The following TNFRSF21 variants were observed in gnomAD, a reference collection of about 807,000 sequenced individuals.
TNFRSF21 encodes the protein TNF receptor superfamily member 21, also known as tumor necrosis factor receptor superfamily member 21.
Under a neutral mutation model 45.6 loss-of-function variants are expected in TNFRSF21, and 19 were observed. The ratio of observed to expected loss-of-function variants is 0.42; its 90% CI spans 0.29 to 0.61. TNFRSF21 has a LOEUF of 0.61. Among genes scored for constraint, TNFRSF21 ranks in the 20% least tolerant of loss-of-function variants. The probability of loss-of-function intolerance (pLI) is 0.23; values close to 1 mark genes in which losing one functional copy is unlikely to be tolerated. For missense variants in TNFRSF21, 737 were observed against 851.5 expected (o/e 0.87, Z 1.67); for synonymous variants, 314 against 335.5 (o/e 0.94, Z 0.70).
intron 4 of TNFRSF21, among the ~76,000 whole-genome samples, chr6:47,241,898 G>A (rs1764750880): frequency 1.3e-5 from 2 of 152,094 alleles, no homozygotes; most frequent in African/African-American, 4.8e-5. Flanking sequence ...ATGAAGCAAG[G>A]AGGTGCTTCC....
intron 1 of TNFRSF21, among the ~76,000 whole-genome samples, chr6:47,301,055 C>T (rs1479632561): frequency 6.6e-6 from 1 of 152,192 alleles, no homozygotes; most frequent in Non-Finnish European, 1.5e-5. Context: ...GAGAATTCTA[C>T]ACCCACTAGG....
chr6:47,259,011 G>A (rs1463320656), intron 3 of TNFRSF21, among the ~76,000 whole-genome samples: 2 of 152,202 alleles, frequency 1.3e-5, no homozygotes, highest in East Asian at 3.9e-4. Flanking sequence ...TGCAATTACA[G>A]CAATTTAAAG....
At chr6:47,295,046 G>C (rs1313957518) in intron 1 of TNFRSF21, among the ~76,000 whole-genome samples, 2 of 152,134 alleles carry the variant, frequency 1.3e-5, no homozygotes, top group Admixed American at 1.3e-4. Flanking sequence ...CACTATAAAT[G>C]CCTACTGAAT....
chr6:47,257,181 C>T (rs903299725), intron 3 of TNFRSF21, among the ~76,000 whole-genome samples: 9 of 151,818 alleles, frequency 5.9e-5, no homozygotes, highest in Non-Finnish European at 2.9e-5. Context: ...CTTCCAAAAC[C>T]CAGTACTGTA....
intron 1 of TNFRSF21, among the ~76,000 whole-genome samples, chr6:47,287,659 C>G (rs1204019529): frequency 6.6e-6 from 1 of 152,060 alleles, no homozygotes. Flanking sequence ...ATGTATGCTA[C>G]TCTTATAACT....
At chr6:47,262,764 C>G (rs1171653314) in intron 3 of TNFRSF21, among the ~76,000 whole-genome samples, 2 of 152,110 alleles carry the variant, frequency 1.3e-5, no homozygotes, top group Non-Finnish European at 2.9e-5. Context: ...AGCAGGAAGG[C>G]TGGCATGGCT....
chr6:47,284,114 A>G lies in TNFRSF21; in HGVS notation c.1067T>C (p.Leu356Pro). Reference sequence around the variant, plus strand: ...CACCACAAGCACCAGCAGCAGGAAAAGCACAATCATCCAGGGCAAATGCTC... The same window carrying G: ...CACCACAAGCACCAGCAGCAGGAAAGGCACAATCATCCAGGGCAAATGCTC... ...INEHLPWMIV[L>P]FLLLVLVVIV... The change falls in exon 3 of 6, where the codon CTT becomes CCT. Residue 356 changes from leucine (L) to proline (P), a missense_variant. By Grantham distance (98) the Leu-to-Pro change is moderately conservative (BLOSUM62 -3). Coordinates refer to ENST00000296861, the MANE Select transcript of TNFRSF21 (RefSeq NM_014452.5). 1 of 1,614,204 alleles carries G rather than the reference A, an allele frequency of 6.2e-7. No individual in the cohort carries two copies. The highest frequency in any genetic ancestry group is 8.5e-7 in the Non-Finnish European group (1 of 1,180,042).
In TNFRSF21 at chr6:47,286,495, G is replaced by T. The variant is rs764454730; in HGVS notation, c.197C>A (p.Thr66Asn). The T allele has an allele frequency of 2.5e-6, 4 of 1,614,222 alleles. No homozygotes were observed. The highest frequency in any genetic ancestry group is 3.4e-6 in the Non-Finnish European group (4 of 1,180,042). ...GGTTCCTGCTGGACACTTGTCACAG[G>T]TTAGCACCTGGCCGGTGGCACGGTC... The part of the protein sequence containing the change: ...HVDRATGQVL[T>N]CDKCPAGTYV... The change falls in exon 2 of 6, where the codon ACC (threonine) becomes AAC (asparagine). Residue 66 changes from threonine to asparagine, a missense_variant. Physicochemically the swap from Thr to Asn is moderately conservative, Grantham distance 65 (BLOSUM62 0). Coordinates refer to ENST00000296861, the MANE Select transcript of TNFRSF21 (RefSeq NM_014452.5).
chr6:47,264,001 A>G (rs1412468148), intron 3 of TNFRSF21, among the ~76,000 whole-genome samples: 1 of 152,214 alleles, frequency 6.6e-6, no homozygotes, highest in East Asian at 1.9e-4. Flanking sequence ...CATGTTAGCC[A>G]CCAGTTACTC....
intron 1 of TNFRSF21, among the ~76,000 whole-genome samples, chr6:47,291,402 C>A (rs1432382676): frequency 6.6e-6 from 1 of 151,698 alleles, no homozygotes; most frequent in African/African-American, 2.4e-5. Context: ...GGAGAGTAGA[C>A]AAGAAAACCC....
Position 47,309,508 on chromosome 6 carries a change from C to G in TNFRSF21, c.4G>C (p.Gly2Arg). MGTSPSSSTALA... is the reference protein window; with the variant it reads MRTSPSSSTALA... ...GCGGTGCTGCTGCTCGGAGAGGTCCCCATGGCTGAACCGGGGACTCGCAGG... is the reference window on the plus strand; with the variant it reads ...GCGGTGCTGCTGCTCGGAGAGGTCCGCATGGCTGAACCGGGGACTCGCAGG... The change falls in exon 1 of 6, where the codon GGG becomes CGG. Residue 2 changes from glycine to arginine, a missense_variant. Coordinates refer to ENST00000296861, the MANE Select transcript of TNFRSF21 (RefSeq NM_014452.5). 1 of 1,479,664 alleles carries G rather than the reference C, an allele frequency of 6.8e-7. No individual in the cohort carries two copies. The allele number at this position is 1,479,664 out of a possible 1,614,324, so 91.7% of individuals were successfully genotyped here. A position where few individuals can be genotyped will look rare whatever the true frequency, so the allele number is the denominator to read the frequency against.
At chr6:47,259,499 C>T (rs1476920053) in intron 3 of TNFRSF21, among the ~76,000 whole-genome samples, 2 of 152,080 alleles carry the variant, frequency 1.3e-5, no homozygotes, top group African/African-American at 4.8e-5. Flanking sequence ...CTCAGGCTCC[C>T]GAGTAGCTAG....
intron 1 of TNFRSF21, among the ~76,000 whole-genome samples, chr6:47,309,062 G>C (rs539573851): frequency 6.6e-6 from 1 of 152,202 alleles, no homozygotes; most frequent in Admixed American, 6.5e-5. Flanking sequence ...GCCGATGGGT[G>C]GGGGGCTGTG....
chr6:47,289,910 CT>C (rs1006475503), intron 1 of TNFRSF21, among the ~76,000 whole-genome samples: 3 of 152,122 alleles, frequency 2.0e-5, no homozygotes, highest in Non-Finnish European at 4.4e-5. Flanking sequence ...GGGAGAATTG[CT>C]TGAGCCTGGG....
At position 47,247,140 on chromosome 6, in the gene TNFRSF21, A is replaced by C. The variant is rs181756845; in HGVS notation, c.1509+6116T>G. ...ATAGAACAGCCTGAAATGTCATTAA[A>C]AATCTAAAGCCTATTTATAAACATT... On this transcript the variant is annotated intron_variant, in intron 4 of 5. Transcript: ENST00000296861. Among the ~76,000 whole-genome samples, 711 of 152,344 alleles carry C rather than the reference A, an allele frequency of 4.7e-3. 4 individuals are homozygous for C. Among genetic ancestry groups the C allele is most frequent in the South Asian group, 0.021 (103 of 4,822 alleles).
chr6:47,286,688 C>G, intron 1 of TNFRSF21, 93 bp from the exon 2 acceptor site: 1 of 1,312,490 alleles, frequency 7.6e-7, no homozygotes, highest in Non-Finnish European at 1.0e-6. Context: ...TCCAGCACCA[C>G]CATCATCATT....
chr6:47,297,047 T>C (rs1380071385), intron 1 of TNFRSF21, among the ~76,000 whole-genome samples: 1 of 152,138 alleles, frequency 6.6e-6, no homozygotes, highest in Admixed American at 6.5e-5. Context: ...TTGGGGGCAG[T>C]CCCCTGTGAC....
chr6:47,267,936 C>T (rs1762359613), intron 3 of TNFRSF21, among the ~76,000 whole-genome samples: 1 of 152,208 alleles, frequency 6.6e-6, no homozygotes, highest in African/African-American at 2.4e-5. Flanking sequence ...CATCAACCCC[C>T]ACTCCTCATC....
intron 4 of TNFRSF21, among the ~76,000 whole-genome samples, chr6:47,247,885 A>G (rs1182725919): frequency 6.6e-6 from 1 of 152,210 alleles, no homozygotes; most frequent in Non-Finnish European, 1.5e-5. Flanking sequence ...ATAGAAATCA[A>G]CAACAACCAC....
Sources: allele counts gnomAD v4.1 joint callset (sites outside exome capture counted in the v4.1 genomes callset), GRCh38; gene constraint gnomAD v4.1.1; transcripts MANE v1.5; gene names NCBI Gene and HGNC (gene_info 2026-07-23, HGNC 2026-07-21).